KCNC2: variants seen among roughly 807,000 people sequenced by gnomAD.
The protein encoded by KCNC2 is potassium voltage-gated channel subfamily C member 2.
Under a neutral mutation model 44.5 loss-of-function variants are expected in KCNC2, and 21 were observed. The observed-to-expected ratio is 0.47, with a 90% confidence interval of 0.33 to 0.68. The LOEUF is 0.68. Among genes scored for constraint, KCNC2 ranks in the 30% least tolerant of loss-of-function variants. The pLI is 0.01. For missense variants in KCNC2, 589 were observed against 826.2 expected (o/e 0.71, Z 3.52); for synonymous variants, 391 against 339.1 (o/e 1.15, Z -1.68).
rs61089425 is a variant in KCNC2, at chr12:75,181,916, C to CTTT, written c.687+25378_687+25380dup. Among the ~76,000 whole-genome samples, 216 of 47,876 alleles carry CTTT rather than the reference C, an allele frequency of 4.5e-3. 69 individuals carry two copies. Among genetic ancestry groups the CTTT allele is most frequent in the Non-Finnish European group, 6.8e-3 (172 of 25,268 alleles). 31.4% of individuals were successfully genotyped at this position (47,876 alleles called of 152,430 possible). The stretch of plus-strand genomic sequence containing the variant: ...AAACATTATTACTATTAATATCTTC[C>CTTT]TTTTTTTTTTTTTTTTTTTTTTTTT... On this transcript the variant is annotated intron_variant, in intron 2 of 4. Transcript: ENST00000549446.
chr12:75,182,815 A>G (rs1892695129), intron 2 of KCNC2, among the ~76,000 whole-genome samples: 1 of 152,212 alleles, frequency 6.6e-6, no homozygotes, highest in Non-Finnish European at 1.5e-5. Flanking sequence ...AAAACTATAA[A>G]CAGCCTCACC....
At chr12:75,112,766 A>G (rs111283590) in intron 2 of KCNC2, among the ~76,000 whole-genome samples, 177 of 152,194 alleles carry the variant, frequency 1.2e-3, no homozygotes, top group African/African-American at 3.9e-3. Context: ...GCTTAAAGAA[A>G]CCAATAATCT....
At chr12:75,099,807 G>A (rs544869416) in intron 2 of KCNC2, among the ~76,000 whole-genome samples, 11 of 152,222 alleles carry the variant, frequency 7.2e-5, no homozygotes, top group African/African-American at 2.6e-4. Context: ...ATTTGTCAGA[G>A]TGAACCAAAT....
At position 75,207,721 on chromosome 12, in the gene KCNC2, C is replaced by G; in HGVS notation, c.263G>C (p.Arg88Pro). The G allele has an allele frequency of 6.3e-7, 1 of 1,576,792 alleles. No homozygotes were observed. The highest frequency in any genetic ancestry group is 8.6e-7 in the Non-Finnish European group (1 of 1,161,734). Reference sequence around the variant, plus strand: ...GGGATGGTCGCTGGCCCTGCCGCCGCGGGAACTGCAGTTGCCCGCGCCGCC... The same window carrying G: ...GGGATGGTCGCTGGCCCTGCCGCCGGGGGAACTGCAGTTGCCCGCGCCGCC... Reference protein sequence around the residue: ...FEGGAGNCSSRGGRASDHPGG... With the variant: ...FEGGAGNCSSPGGRASDHPGG... The change falls in exon 2 of 5, where the codon CGC (arginine) becomes CCC (proline). Residue 88 changes from arginine (R) to proline (P), a missense_variant. Physicochemically the swap from Arg to Pro is moderately radical, Grantham distance 103. Coordinates refer to ENST00000549446, the MANE Select transcript of KCNC2 (RefSeq NM_139137.4). The surrounding 1 kb of genome is among the most constrained non-coding windows in gnomAD (Gnocchi z 4.1).
chr12:75,200,523 T>C (rs147804458), intron 2 of KCNC2, among the ~76,000 whole-genome samples: 1 of 151,920 alleles, frequency 6.6e-6, no homozygotes, highest in African/African-American at 2.4e-5. Flanking sequence ...TTCTATCTCT[T>C]ACCCACATAC....
chr12:75,123,988 A>G lies in KCNC2; in HGVS notation c.688-72671T>C, dbSNP rs1413333469. ...TAATCAAGCAAATAAAATTTTACCT[A>G]AAATAACTTAAAAAAACTCACCACA... On this transcript the variant is annotated intron_variant, in intron 2 of 4. Transcript: ENST00000549446. The G allele has an allele frequency of 2.0e-5, 3 of 152,186 alleles. No individual in the cohort carries two copies. The East Asian group carries it at 5.8e-4, about 29-fold the overall frequency. The allele number at this position is 152,186 out of a possible 1,614,324, so 9.4% of individuals were successfully genotyped here.
chr12:75,115,288 G>C (rs896243118), intron 2 of KCNC2, among the ~76,000 whole-genome samples: 2 of 152,166 alleles, frequency 1.3e-5, no homozygotes, highest in Non-Finnish European at 2.9e-5. Context: ...CAGGATCTCA[G>C]CCAGTAATCC....
Position 75,100,184 on chromosome 12 carries a change from T to C in KCNC2, c.688-48867A>G, listed in dbSNP as rs896623136. ...TAAATAGTAGGCGAGTTCTATAGTC[T>C]TTTTCATATCTCAGAGAAAATGGGG... On this transcript the variant is annotated intron_variant, in intron 2 of 4. Coordinates refer to ENST00000549446, the MANE Select transcript of KCNC2 (RefSeq NM_139137.4). Among the ~76,000 whole-genome samples the C allele has an allele frequency of 3.9e-5, 6 of 152,238 alleles. No individual in the cohort carries two copies. In the East Asian group the frequency reaches 1.2e-3, roughly 29 times the overall value.
intron 2 of KCNC2, among the ~76,000 whole-genome samples, chr12:75,055,154 C>T (rs1881604287): frequency 6.6e-6 from 1 of 151,996 alleles, no homozygotes; most frequent in Non-Finnish European, 1.5e-5. Flanking sequence ...GTATTTCTTG[C>T]TCCTTGCACG....
At chr12:75,162,733 C>G (rs59030535) in intron 2 of KCNC2, among the ~76,000 whole-genome samples, 1,668 of 151,776 alleles carry the variant, frequency 0.011, 36 homozygotes, top group African/African-American at 0.039. Flanking sequence ...TCAAAAAAAC[C>G]TCTATTTTTC....
rs61089425 is a variant in KCNC2 at position 75,181,916 on chromosome 12, C to CTTTTTTTTTTTTTTTTTTTTT, written c.687+25360_687+25380dup. ...AAACATTATTACTATTAATATCTTC[C>CTTTTTTTTTTTTTTTTTTTTT]TTTTTTTTTTTTTTTTTTTTTTTTT... On this transcript the variant is annotated intron_variant, in intron 2 of 4. Coordinates refer to ENST00000549446, the MANE Select transcript of KCNC2 (RefSeq NM_139137.4). Among the ~76,000 whole-genome samples the CTTTTTTTTTTTTTTTTTTTTT allele has an allele frequency of 4.8e-4, 23 of 47,876 alleles. 7 individuals are homozygous for CTTTTTTTTTTTTTTTTTTTTT. Among genetic ancestry groups the CTTTTTTTTTTTTTTTTTTTTT allele is most frequent in the Admixed American group, 1.9e-3 (5 of 2,622 alleles). The allele number at this position is 47,876 out of a possible 152,430, so 31.4% of individuals were successfully genotyped here.
At chr12:75,166,107 G>T (rs1891433550) in intron 2 of KCNC2, among the ~76,000 whole-genome samples, 1 of 151,224 alleles carries the variant, frequency 6.6e-6, no homozygotes, top group South Asian at 2.1e-4. Flanking sequence ...GACAGCTGTA[G>T]AGGCTCTATG....
intron 2 of KCNC2, among the ~76,000 whole-genome samples, chr12:75,081,689 T>C (rs1004796468): frequency 1.3e-5 from 2 of 152,044 alleles, no homozygotes; most frequent in Non-Finnish European, 2.9e-5. Context: ...GTCATACTTA[T>C]GTAATAATTT....
rs887351619 is a variant in KCNC2, at chr12:75,072,387, T to TA, written c.688-21071dup. ...ATTCAAACTGTTAGTTAAGGAAATT[T>TA]AAAAAAAATACATTGAAAGGAAGGG... On this transcript the variant is annotated intron_variant, in intron 2 of 4. Coordinates refer to ENST00000549446, the MANE Select transcript of KCNC2 (RefSeq NM_139137.4). 5.9e-5 allele frequency among the ~76,000 whole-genome samples: 9 copies of TA among 151,968 alleles called. No individual in the cohort carries two copies. The South Asian group carries it at 6.2e-4, about 11-fold the overall frequency.
At chr12:75,150,027 G>A (rs74347185) in intron 2 of KCNC2, among the ~76,000 whole-genome samples, 4,834 of 151,736 alleles carry the variant, frequency 0.032, 109 homozygotes, top group Non-Finnish European at 0.05. Flanking sequence ...GTAAGCCATC[G>A]CCTGTGACTC....
At chr12:75,086,681 A>AAAATATATATATATAT (rs1206456289) in intron 2 of KCNC2, among the ~76,000 whole-genome samples, 124 of 54,098 alleles carry the variant, frequency 2.3e-3, no homozygotes, top group Non-Finnish European at 3.6e-3. Context: ...AAAAAAAAAA[A>AAAATATATATATATAT]ATATATATAT....
intron 2 of KCNC2, among the ~76,000 whole-genome samples, chr12:75,069,395 C>A (rs1422272739): frequency 6.6e-6 from 1 of 152,056 alleles, no homozygotes; most frequent in Non-Finnish European, 1.5e-5. Context: ...CTCAGCCTCC[C>A]AAAGTGCTGG....
At chr12:75,175,844 G>A (rs1436308746) in intron 2 of KCNC2, among the ~76,000 whole-genome samples, 4 of 152,066 alleles carry the variant, frequency 2.6e-5, no homozygotes, top group African/African-American at 9.7e-5. Context: ...AATAGTTTAA[G>A]AACAGGGTTG....
intron 2 of KCNC2, among the ~76,000 whole-genome samples, chr12:75,206,601 A>G (rs561417896): frequency 1.7e-3 from 263 of 152,346 alleles, no homozygotes; most frequent in African/African-American, 6.0e-3. Flanking sequence ...TGTAAGGATC[A>G]GAGATACAGC....
Sources: gnomAD v4.1 joint callset for allele counts (sites outside exome capture counted in the v4.1 genomes callset) on GRCh38, gnomAD v4.1.1 for gene constraint, Gnocchi (gnomAD v3.1) non-coding constraint, MANE v1.5 for transcripts, NCBI Gene and HGNC (gene_info 2026-07-23, HGNC 2026-07-21) for gene names.